The following ADAMTSL1 variants were observed in gnomAD, a reference collection of about 807,000 sequenced individuals.
ADAMTSL1 encodes ADAMTS-like protein 1.
ADAMTSL1 carries 126 observed loss-of-function variants against 201.8 expected under a neutral mutation model. The observed-to-expected ratio is 0.62, with a 90% CI of 0.54 to 0.72. The LOEUF is 0.72. ADAMTSL1 is among the 30% of genes least tolerant of loss of function. ADAMTSL1 has a pLI of 0.00. For missense variants in ADAMTSL1, 2,679 were observed against 2,277.8 expected (o/e 1.18, Z -3.59); for synonymous variants, 1,121 against 903.4 (o/e 1.24, Z -4.32).
intron 2 of ADAMTSL1, among the ~76,000 whole-genome samples, chr9:18,248,339 G>C (rs1328339418): frequency 6.6e-6 from 1 of 152,072 alleles, no homozygotes; most frequent in Non-Finnish European, 1.5e-5. Flanking sequence ...TGGATTACGC[G>C]GTATGTAAAA....
At chr9:18,555,119 C>G (rs1821028581) in intron 3 of ADAMTSL1, among the ~76,000 whole-genome samples, 2 of 151,678 alleles carry the variant, frequency 1.3e-5, no homozygotes, top group African/African-American at 4.8e-5. Context: ...TTTTCTTTTC[C>G]TAGTTTATTC....
intron 2 of ADAMTSL1, among the ~76,000 whole-genome samples, chr9:18,399,506 T>G (rs928084249): frequency 1.9e-5 from 2 of 102,980 alleles, no homozygotes; most frequent in African/African-American, 7.8e-5. Context: ...CATTTCTGGC[T>G]GATTTTTATA....
chr9:18,715,971 A>G (rs1832902054), intron 14 of ADAMTSL1, among the ~76,000 whole-genome samples: 1 of 151,180 alleles, frequency 6.6e-6, no homozygotes, highest in African/African-American at 2.5e-5. Flanking sequence ...AACCTGAGAA[A>G]AACAAGCAAT....
intron 1 of ADAMTSL1, among the ~76,000 whole-genome samples, chr9:18,104,928 A>C (rs1043807594): frequency 6.6e-6 from 1 of 152,158 alleles, no homozygotes; most frequent in Admixed American, 6.5e-5. Context: ...AGCAAAGTAA[A>C]ATAAATCAGA....
At chr9:18,160,189 AGGG>A (rs981580854) in intron 1 of ADAMTSL1, among the ~76,000 whole-genome samples, 6 of 152,012 alleles carry the variant, frequency 3.9e-5, no homozygotes, top group Non-Finnish European at 7.4e-5. Flanking sequence ...AATCAGAAAG[AGGG>A]GTCACTGTTT....
chr9:17,973,536 G>A (rs560191979), intron 1 of ADAMTSL1, among the ~76,000 whole-genome samples: 12 of 102,454 alleles, frequency 1.2e-4, no homozygotes, highest in Middle Eastern at 4.1e-3. Flanking sequence ...CTCTGTTTTG[G>A]TACCAGTACC....
At chr9:18,844,299 A>C (rs980471650) in intron 23 of ADAMTSL1, among the ~76,000 whole-genome samples, 14 of 152,260 alleles carry the variant, frequency 9.2e-5, no homozygotes, top group African/African-American at 3.4e-4. Context: ...CTAGAGGTCC[A>C]CTCCAGACCC....
At chr9:18,662,549 C>G (rs767833455) in intron 9 of ADAMTSL1, among the ~76,000 whole-genome samples, 2 of 152,180 alleles carry the variant, frequency 1.3e-5, no homozygotes, top group Non-Finnish European at 2.9e-5. Context: ...AGAGTCAAAA[C>G]AAGCCTTAGA....
intron 20 of ADAMTSL1, among the ~76,000 whole-genome samples, chr9:18,805,098 A>T (rs1219308351): frequency 6.6e-6 from 1 of 152,132 alleles, no homozygotes; most frequent in Non-Finnish European, 1.5e-5. Context: ...CTTGAACTCT[A>T]ATGGGGGTCA....
intron 26 of ADAMTSL1, among the ~76,000 whole-genome samples, chr9:18,897,422 C>T (rs919276825): frequency 2.0e-5 from 3 of 152,088 alleles, no homozygotes; most frequent in East Asian, 3.9e-4. Flanking sequence ...CTGGGTGAGA[C>T]CTCCCAACAG....
intron 1 of ADAMTSL1, among the ~76,000 whole-genome samples, chr9:17,983,691 T>C (rs373154738): frequency 4.6e-5 from 7 of 152,208 alleles, no homozygotes; most frequent in African/African-American, 1.7e-4. Context: ...TGGCTACATG[T>C]ATAGACAGAA....
intron 1 of ADAMTSL1, among the ~76,000 whole-genome samples, chr9:18,120,099 C>T (rs1410713316): frequency 6.6e-6 from 1 of 152,138 alleles, no homozygotes; most frequent in Non-Finnish European, 1.5e-5. Context: ...GGTTCTGGAT[C>T]AGGCTCTCTC....
chr9:18,745,789 C>T (rs1819108199), intron 15 of ADAMTSL1, among the ~76,000 whole-genome samples: 1 of 152,212 alleles, frequency 6.6e-6, no homozygotes, highest in African/African-American at 2.4e-5. Flanking sequence ...CTTTCCACTT[C>T]ACATATTTGT....
At chr9:18,457,249 A>G (rs993827687) in intron 2 of ADAMTSL1, among the ~76,000 whole-genome samples, 5 of 152,248 alleles carry the variant, frequency 3.3e-5, no homozygotes, top group African/African-American at 1.2e-4. Context: ...CAAAAGGGGA[A>G]TAAATGAGGA....
intron 25 of ADAMTSL1, among the ~76,000 whole-genome samples, chr9:18,891,532 C>A (rs1829274726): frequency 6.6e-6 from 1 of 152,204 alleles, no homozygotes; most frequent in Non-Finnish European, 1.5e-5. Flanking sequence ...TCCTAGTTTA[C>A]AGGTGGGCTT....
chr9:18,199,750 C>G (rs993690015), intron 2 of ADAMTSL1, among the ~76,000 whole-genome samples: 4 of 152,092 alleles, frequency 2.6e-5, no homozygotes, highest in Admixed American at 2.6e-4. Context: ...TGCTGATCCT[C>G]CAAGGTAGTT....
chr9:18,576,741 T>C (rs1309983341), intron 4 of ADAMTSL1, among the ~76,000 whole-genome samples: 1 of 152,196 alleles, frequency 6.6e-6, no homozygotes, highest in Non-Finnish European at 1.5e-5. Context: ...TAATTCTTAC[T>C]CAGTAGTAAT....
At chr9:18,173,382 A>G (rs1827993115) in intron 2 of ADAMTSL1, among the ~76,000 whole-genome samples, 1 of 152,164 alleles carries the variant, frequency 6.6e-6, no homozygotes, top group Non-Finnish European at 1.5e-5. Context: ...CTATGAGTTC[A>G]TGAACTGTGC....
chr9:18,584,865 C>A (rs113421878), intron 4 of ADAMTSL1, among the ~76,000 whole-genome samples: 1,810 of 152,162 alleles, frequency 0.012, 48 homozygotes, highest in African/African-American at 0.04. Context: ...AATGCCGGCA[C>A]CTGGATCATG....
Sources: allele counts gnomAD v4.1 joint callset (sites outside exome capture counted in the v4.1 genomes callset), GRCh38; gene constraint gnomAD v4.1.1; transcripts MANE v1.5; gene names NCBI Gene and HGNC (gene_info 2026-07-23, HGNC 2026-07-21).